COL25A1: variants seen among roughly 807,000 people sequenced by gnomAD.
COL25A1 encodes the protein collagen type XXV alpha 1 chain.
In COL25A1, 103 loss-of-function variants were observed where a neutral mutation model predicts 128.4. The observed-to-expected ratio is 0.80, with a 90% CI of 0.68 to 0.94. The LOEUF is 0.94. COL25A1 is among the 40% of genes least tolerant of loss of function. COL25A1 has a pLI of 0.00. For missense variants in COL25A1, 745 were observed against 840.0 expected (o/e 0.89, Z 1.40); for synonymous variants, 279 against 277.2 (o/e 1.01, Z -0.06).
chr4:108,910,682 C>T (rs1019672589), intron 13 of COL25A1, among the ~76,000 whole-genome samples: 3 of 152,140 alleles, frequency 2.0e-5, no homozygotes, highest in Non-Finnish European at 2.9e-5. Flanking sequence ...ACCTGGGTGA[C>T]CTTGGGCTTC....
intron 3 of COL25A1, among the ~76,000 whole-genome samples, chr4:109,107,694 CAGCATCT>C (rs1461344462): frequency 1.3e-5 from 2 of 152,098 alleles, no homozygotes; most frequent in Non-Finnish European, 2.9e-5. Context: ...TTTAGGTAAA[CAGCATCT>C]AGAATATTAC....
At chr4:109,011,378 G>A (rs1296538711) in intron 5 of COL25A1, among the ~76,000 whole-genome samples, 1 of 151,950 alleles carries the variant, frequency 6.6e-6, no homozygotes, top group African/African-American at 2.4e-5. Context: ...CTAACTCACT[G>A]GGGATAGAAC....
At chr4:109,270,064 A>G (rs1344249781) in intron 3 of COL25A1, among the ~76,000 whole-genome samples, 1 of 152,102 alleles carries the variant, frequency 6.6e-6, no homozygotes, top group Non-Finnish European at 1.5e-5. Flanking sequence ...TTGATGGGAC[A>G]TATTTCAAAA....
At chr4:109,117,710 A>G (rs1375721299) in intron 3 of COL25A1, among the ~76,000 whole-genome samples, 5 of 152,124 alleles carry the variant, frequency 3.3e-5, no homozygotes, top group South Asian at 2.1e-4. Flanking sequence ...ATATGCTTAT[A>G]TATACTTATG....
chr4:109,001,405 A>AGATCCTGTCAGGTAGGCATCTGG, intron 6 of COL25A1, among the ~76,000 whole-genome samples: 1 of 152,290 alleles, frequency 6.6e-6, no homozygotes, highest in Non-Finnish European at 1.5e-5. Flanking sequence ...TAGGCATCTG[A>AGATCCTGTCAGGTAGGCATCTGG]GATCCTGTCA....
intron 31 of COL25A1, among the ~76,000 whole-genome samples, chr4:108,840,403 T>C (rs1247692948): frequency 5.3e-5 from 8 of 152,064 alleles, no homozygotes; most frequent in Non-Finnish European, 1.0e-4. Flanking sequence ...CCCCAAAGTC[T>C]AATTCATGCT....
At chr4:109,151,676 C>T (rs577273028) in intron 3 of COL25A1, among the ~76,000 whole-genome samples, 5 of 152,216 alleles carry the variant, frequency 3.3e-5, no homozygotes, top group African/African-American at 1.2e-4. Flanking sequence ...TCGGTACATA[C>T]AAATCACCAC....
At chr4:109,148,709 G>A (rs1017571960) in intron 3 of COL25A1, among the ~76,000 whole-genome samples, 2 of 151,912 alleles carry the variant, frequency 1.3e-5, no homozygotes, top group African/African-American at 4.8e-5. Context: ...TCATGCTCTG[G>A]TGGCTCCTTA....
intron 6 of COL25A1, among the ~76,000 whole-genome samples, chr4:108,997,143 A>G (rs4956230): frequency 0.8 from 120,877 of 151,950 alleles, 49,244 homozygotes; most frequent in East Asian, 1. Flanking sequence ...GAACTGAAGG[A>G]GATAGAGACA....
chr4:109,021,105 T>G (rs375384935), intron 5 of COL25A1, among the ~76,000 whole-genome samples: 4 of 152,354 alleles, frequency 2.6e-5, no homozygotes, highest in African/African-American at 9.6e-5. Flanking sequence ...AATACTCTAC[T>G]GTGTACTGTG....
intron 26 of COL25A1, among the ~76,000 whole-genome samples, chr4:108,850,957 A>G (rs1441923130): frequency 6.6e-6 from 1 of 152,058 alleles, no homozygotes; most frequent in Non-Finnish European, 1.5e-5. Context: ...AAAGTCCTGG[A>G]AACTTTTGAG....
chr4:108,946,529 A>G (rs1356498833), intron 8 of COL25A1, among the ~76,000 whole-genome samples: 2 of 152,258 alleles, frequency 1.3e-5, no homozygotes, highest in African/African-American at 4.8e-5. Flanking sequence ...AACATTCAAC[A>G]ATATTTAAAA....
At chr4:109,056,641 A>G (rs2125954853) in intron 3 of COL25A1, among the ~76,000 whole-genome samples, 1 of 152,054 alleles carries the variant, frequency 6.6e-6, no homozygotes, top group African/African-American at 2.4e-5. Flanking sequence ...AAAAGATTAA[A>G]AAAAAAAACT....
chr4:109,247,862 C>T (rs774836813), intron 3 of COL25A1, among the ~76,000 whole-genome samples: 4 of 151,924 alleles, frequency 2.6e-5, no homozygotes, highest in Non-Finnish European at 5.9e-5. Flanking sequence ...AGTAAAACAT[C>T]AAAGGATGCT....
At chr4:108,838,580 A>G (rs1219023530) in intron 31 of COL25A1, among the ~76,000 whole-genome samples, 1 of 152,246 alleles carries the variant, frequency 6.6e-6, no homozygotes, top group African/African-American at 2.4e-5. Flanking sequence ...TGGAATATGC[A>G]GGACAGGGTT....
chr4:109,043,360 C>T (rs1035298590), intron 5 of COL25A1, among the ~76,000 whole-genome samples: 2 of 152,018 alleles, frequency 1.3e-5, no homozygotes, highest in African/African-American at 4.8e-5. Flanking sequence ...GCAGAAATAG[C>T]ATTGTAAGCT....
At chr4:109,301,578 T>A in intron 2 of COL25A1, 145 bp downstream of exon 2, 1 of 819,900 alleles carries the variant, frequency 1.2e-6, no homozygotes, top group Non-Finnish European at 2.0e-6. Context: ...ACAGTGAGCA[T>A]AGATCCTTGG....
At chr4:109,016,952 C>G (rs1383984159) in intron 5 of COL25A1, among the ~76,000 whole-genome samples, 1 of 152,244 alleles carries the variant, frequency 6.6e-6, no homozygotes, top group Admixed American at 6.5e-5. Context: ...GCTTAAACCC[C>G]TGCCCCTCAT....
chr4:109,088,664 G>A (rs372364165), intron 3 of COL25A1, among the ~76,000 whole-genome samples: 3 of 152,142 alleles, frequency 2.0e-5, no homozygotes, highest in Non-Finnish European at 4.4e-5. Flanking sequence ...ACCGGGTAAC[G>A]TTCCAGGCAC....
Sources: allele counts gnomAD v4.1 joint callset (sites outside exome capture counted in the v4.1 genomes callset), GRCh38; gene constraint gnomAD v4.1.1; transcripts MANE v1.5; gene names NCBI Gene and HGNC (gene_info 2026-07-23, HGNC 2026-07-21).